LUZP2: variants seen among roughly 807,000 people sequenced by gnomAD.
LUZP2 encodes leucine zipper protein 2.
A neutral mutation model predicts 51.6 loss-of-function variants in LUZP2; 52 were observed. The observed-to-expected ratio is 1.01, with a 90% CI of 0.81 to 1.27. The LOEUF is 1.27. Ranked by LOEUF, LUZP2 falls within the 50% of genes most tolerant of loss-of-function variation. LUZP2 has a pLI of 0.00. For missense variants in LUZP2, 436 were observed against 395.4 expected, an observed-to-expected ratio of 1.10 and a Z score of -0.87; for synonymous variants, 154 against 137.3, an observed-to-expected ratio of 1.12 and a Z score of -0.85.
At chr11:25,002,381 T>C (rs1355245899) in intron 9 of LUZP2, among the ~76,000 whole-genome samples, 1 of 152,208 alleles carries the variant, frequency 6.6e-6, no homozygotes, top group African/African-American at 2.4e-5. Context: ...GCAGTCATGC[T>C]CAATTGGTTC....
chr11:24,538,660 G>GTA (rs1390118145), intron 1 of LUZP2, among the ~76,000 whole-genome samples: 1 of 144,784 alleles, frequency 6.9e-6, no homozygotes, highest in Non-Finnish European at 1.5e-5. Flanking sequence ...ATATGTGTGT[G>GTA]TGTGTGTGTA....
intron 5 of LUZP2, among the ~76,000 whole-genome samples, chr11:24,764,382 A>G (rs994412732): frequency 4.6e-5 from 7 of 151,430 alleles, no homozygotes. Context: ...TAGGCTGGGC[A>G]CAGTGGCTCA....
chr11:24,669,985 C>T lies in LUZP2; in HGVS notation c.63-59184C>T, dbSNP rs115463716. ...GACAATAAATTGTATGTTTATCTGG[C>T]TACATTCTGAATTAAAAAAAACTAA... On this transcript the variant is annotated intron_variant, in intron 1 of 11. Transcript: ENST00000336930. Among the ~76,000 whole-genome samples, 1,322 of 151,952 alleles carry T rather than the reference C, an allele frequency of 8.7e-3. 16 individuals carry two copies. The highest frequency in any genetic ancestry group is 0.03 in the African/African-American group (1,240 of 41,446).
intron 1 of LUZP2, among the ~76,000 whole-genome samples, chr11:24,569,738 G>C (rs11028025): frequency 0.42 from 63,361 of 151,684 alleles, 13,750 homozygotes; most frequent in African/African-American, 0.51. Context: ...TTAGAATGTA[G>C]CTTATAAACA....
At chr11:24,823,897 A>G (rs1483705995) in intron 5 of LUZP2, among the ~76,000 whole-genome samples, 1 of 151,886 alleles carries the variant, frequency 6.6e-6, no homozygotes, top group African/African-American at 2.4e-5. Context: ...CCCTGTCTCT[A>G]CTAAAAATAC....
chr11:24,561,999 G>A (rs1852056110), intron 1 of LUZP2, among the ~76,000 whole-genome samples: 1 of 151,992 alleles, frequency 6.6e-6, no homozygotes, highest in South Asian at 2.1e-4. Flanking sequence ...GAAACAATTT[G>A]AATTATGTGT....
At chr11:24,529,928 A>G (rs537636902) in intron 1 of LUZP2, among the ~76,000 whole-genome samples, 2 of 151,084 alleles carry the variant, frequency 1.3e-5, no homozygotes, top group South Asian at 2.1e-4. Context: ...AACAATCCCC[A>G]AAGTATTCAG....
intron 5 of LUZP2, among the ~76,000 whole-genome samples, chr11:24,797,586 G>C (rs1398520732): frequency 6.6e-6 from 1 of 152,118 alleles, no homozygotes; most frequent in Non-Finnish European, 1.5e-5. Flanking sequence ...TTGCCTCCTG[G>C]TGATAAACCT....
intron 4 of LUZP2, among the ~76,000 whole-genome samples, chr11:24,738,601 T>C (rs949027650): frequency 1.3e-5 from 2 of 152,024 alleles, no homozygotes; most frequent in Admixed American, 6.6e-5. Flanking sequence ...GGCTCTCACA[T>C]TGTGGGACGT....
At chr11:24,874,491 G>A (rs1852184900) in intron 5 of LUZP2, among the ~76,000 whole-genome samples, 1 of 152,112 alleles carries the variant, frequency 6.6e-6, no homozygotes, top group Admixed American at 6.6e-5. Context: ...ATAATGCACA[G>A]GACTGTATGC....
At chr11:24,995,944 T>C (rs528404506) in intron 9 of LUZP2, among the ~76,000 whole-genome samples, 2 of 151,786 alleles carry the variant, frequency 1.3e-5, no homozygotes, top group Non-Finnish European at 2.9e-5. Context: ...ACATTACTTA[T>C]TATTTAAAAA....
chr11:24,858,593 C>T (rs1251679837), intron 5 of LUZP2, among the ~76,000 whole-genome samples: 1 of 152,090 alleles, frequency 6.6e-6, no homozygotes, highest in East Asian at 1.9e-4. Flanking sequence ...AGAGCTATTG[C>T]CAAATGCAAA....
chr11:24,580,878 C>A (rs935792476), intron 1 of LUZP2, among the ~76,000 whole-genome samples: 1 of 152,006 alleles, frequency 6.6e-6, no homozygotes, highest in Non-Finnish European at 1.5e-5. Context: ...AACAGAATTT[C>A]TTCCACTATA....
At chr11:24,997,188 C>T (rs1271656282) in intron 9 of LUZP2, among the ~76,000 whole-genome samples, 11 of 151,122 alleles carry the variant, frequency 7.3e-5, no homozygotes, top group South Asian at 4.2e-4. Context: ...CCTGAGGAAT[C>T]GCCACACTGA....
chr11:25,055,514 G>A (rs1858661390), intron 10 of LUZP2, among the ~76,000 whole-genome samples: 1 of 134,008 alleles, frequency 7.5e-6, no homozygotes, highest in African/African-American at 2.7e-5. Flanking sequence ...TCAGATTGAG[G>A]AGTTTTAACT....
intron 1 of LUZP2, among the ~76,000 whole-genome samples, chr11:24,658,306 C>G (rs1380168145): frequency 1.3e-5 from 2 of 152,076 alleles, no homozygotes; most frequent in East Asian, 1.9e-4. Flanking sequence ...ACAAATCTGA[C>G]AAAAACAAGA....
At chr11:24,806,076 TG>T (rs1466699907) in intron 5 of LUZP2, among the ~76,000 whole-genome samples, 2 of 152,290 alleles carry the variant, frequency 1.3e-5, no homozygotes, top group African/African-American at 4.8e-5. Flanking sequence ...GAATATTACT[TG>T]TAAAAGTACA....
chr11:24,562,196 T>G (rs141379580), intron 1 of LUZP2, among the ~76,000 whole-genome samples: 2 of 152,120 alleles, frequency 1.3e-5, no homozygotes, highest in East Asian at 3.9e-4. Context: ...AAAAAATAAA[T>G]ATTTTCTTGT....
At chr11:25,068,872 C>A (rs1409347661) in intron 10 of LUZP2, among the ~76,000 whole-genome samples, 2 of 151,964 alleles carry the variant, frequency 1.3e-5, no homozygotes, top group Admixed American at 1.3e-4. Context: ...CCCTCACTTA[C>A]AGAATGTTTA....
Sources: gnomAD v4.1 joint callset for allele counts (sites outside exome capture counted in the v4.1 genomes callset) on GRCh38, gnomAD v4.1.1 for gene constraint, MANE v1.5 for transcripts, NCBI Gene and HGNC (gene_info 2026-07-23, HGNC 2026-07-21) for gene names.